Variants in DPP9 observed in about 807,000 individuals in gnomAD.
DPP9 encodes the protein dipeptidyl peptidase IV-related protein-2.
A neutral mutation model predicts 110.7 loss-of-function variants in DPP9; 50 were observed. The observed-to-expected ratio is 0.45, with a 90% CI of 0.36 to 0.57. The LOEUF (loss-of-function observed/expected upper bound fraction) is 0.57. DPP9 is among the 20% of genes least tolerant of loss of function. The pLI is 0.00. For synonymous variants in DPP9, 561 were observed against 514.4 expected (o/e 1.09, Z -1.23); for missense variants, 1,022 against 1,217.9 (o/e 0.84, Z 2.39).
Position 4,684,513 on chromosome 19 carries a change from A to T in DPP9, c.2178+150T>A. On this transcript the variant is annotated intron_variant, in intron 18 of 21. Transcript: ENST00000262960. This position sits in a 1 kb window ranked among gnomAD's most constrained non-coding sequence, Gnocchi z 4.8. ...AAGCATACATCCCCTTTTGTTCTAA[A>T]AGGGCGCCTCATTGAGCCTGCGTCA... is the stretch of plus-strand genomic sequence containing the variant. 1 of 834,808 alleles carries T rather than the reference A, an allele frequency of 1.2e-6. No individual in the cohort carries two copies. The highest frequency in any genetic ancestry group is 1.8e-6 in the Non-Finnish European group (1 of 543,724). The allele number at this position is 834,808 out of a possible 1,614,324, so 51.7% of individuals were successfully genotyped here.
Position 4,689,811 on chromosome 19 carries a change from T to G in DPP9, c.1597-89A>C. On this transcript the variant is annotated intron_variant, in intron 14 of 21. Coordinates refer to ENST00000262960, the MANE Select transcript of DPP9 (RefSeq NM_139159.5). The surrounding 1 kb of genome is among the most constrained non-coding windows in gnomAD (Gnocchi z 7.0). ...ACGCCCCACAGGAGTGGGCCCCATG[T>G]TCCTCGGACTGGGGACGCATGCTGT... The G allele has an allele frequency of 5.2e-6, 7 of 1,344,276 alleles. No homozygotes were observed. The highest frequency in any genetic ancestry group is 7.0e-6 in the Non-Finnish European group (7 of 1,002,102). The allele number at this position is 1,344,276 out of a possible 1,614,324, so 83.3% of individuals were successfully genotyped here. A position where few individuals can be genotyped will look rare whatever the true frequency, so the allele number is the denominator to read the frequency against.
rs377137177 is a variant in DPP9, at chr19:4,687,727, C to G, written c.1885+1030G>C. ...GAAGGTGAGTGGAAAGCCTGATAAC[C>G]ACGGCGGGTTTCAAACCAGTGTGGG... On this transcript the variant is annotated intron_variant, in intron 16 of 21. Transcript: ENST00000262960. The surrounding 1 kb of genome is among the most constrained non-coding windows in gnomAD (Gnocchi z 4.7). Among the ~76,000 whole-genome samples, 1 of 152,208 alleles carries G rather than the reference C, an allele frequency of 6.6e-6. No individual in the cohort carries two copies. The highest frequency in any genetic ancestry group is 1.5e-5 in the Non-Finnish European group (1 of 68,046).
chr19:4,690,694 C>T (rs536735068), intron 14 of DPP9, among the ~76,000 whole-genome samples, 184 bp downstream of exon 14: 5 of 152,216 alleles, frequency 3.3e-5, no homozygotes, highest in South Asian at 2.1e-4. Flanking sequence ...TGGTAGACAC[C>T]GTGCTGAGGC....
chr19:4,715,086 C>T (rs1365178491), intron 3 of DPP9, among the ~76,000 whole-genome samples: 1 of 116,132 alleles, frequency 8.6e-6, no homozygotes, highest in East Asian at 3.0e-4. Flanking sequence ...GTGGCGTGAT[C>T]TCAGATCACT....
intron 8 of DPP9, 88 bp from the exon 9 acceptor site, chr19:4,702,243 C>G: frequency 6.7e-7 from 1 of 1,483,008 alleles, no homozygotes; most frequent in South Asian, 1.3e-5. Flanking sequence ...GCACCGGGGC[C>G]TGAAGATGGG....
Position 4,689,008 on chromosome 19 carries a change from G to A in DPP9, c.1750-116C>T. On this transcript the variant is annotated intron_variant, in intron 15 of 21. Transcript: ENST00000262960. The surrounding 1 kb of genome is among the most constrained non-coding windows in gnomAD (Gnocchi z 7.0). ...CGCCCGCCCCCATCCCTCTGCCCCT[G>A]CCTGTCATGAAACCTCAAAGCTCCA... 3 of 1,130,028 alleles carry A rather than the reference G, an allele frequency of 2.7e-6. No homozygotes were observed. The highest frequency in any genetic ancestry group is 1.1e-6 in the Non-Finnish European group (1 of 910,146). The allele number at this position is 1,130,028 out of a possible 1,614,324, so 70.0% of individuals were successfully genotyped here. A position where few individuals can be genotyped will look rare whatever the true frequency, so the allele number is the denominator to read the frequency against.
chr19:4,695,554 C>A lies in DPP9; in HGVS notation c.1177G>T (p.Ala393Ser). Residue 393 changes from alanine (A) to serine (S), a missense_variant and splice_region_variant, in exon 12 of 22, where the codon GCC becomes TCC. Transcript: ENST00000262960. This position sits in a 1 kb window ranked among gnomAD's most constrained non-coding sequence, Gnocchi z 4.7. ...GGCCGGTCCAGGAACATGGCCCAGG[C>A]GCTAAGGGGGAAGATGCGGGGGAAG... ...RAGWTRDGKYAWAMFLDRPQQ... is the reference protein window; with the variant it reads ...RAGWTRDGKYSWAMFLDRPQQ... 6.9e-7 allele frequency: 1 copy of A among 1,459,138 alleles called. No individual in the cohort carries two copies. Among genetic ancestry groups the A allele is most frequent in the Non-Finnish European group, 9.0e-7 (1 of 1,106,210 alleles). The allele number at this position is 1,459,138 out of a possible 1,614,324, so 90.4% of individuals were successfully genotyped here. A position where few individuals can be genotyped will look rare whatever the true frequency, so the allele number is the denominator to read the frequency against.
In DPP9 at chr19:4,689,420, G is replaced by T; in HGVS notation, c.1749+150C>A. The T allele has an allele frequency of 1.0e-6, 1 of 994,194 alleles. No homozygotes were observed. The highest frequency in any genetic ancestry group is 1.4e-6 in the Non-Finnish European group (1 of 693,762). 61.6% of individuals were successfully genotyped at this position (994,194 alleles called of 1,614,324 possible). ...CTCCCTTCCCTGCCCTACCCAGGAGGCAGGGGTGGGCACTGCCTGCCCCAA... is the reference window on the plus strand; with the variant it reads ...CTCCCTTCCCTGCCCTACCCAGGAGTCAGGGGTGGGCACTGCCTGCCCCAA... On this transcript the variant is annotated intron_variant, in intron 15 of 21. Coordinates refer to ENST00000262960, the MANE Select transcript of DPP9 (RefSeq NM_139159.5). The surrounding 1 kb of genome is among the most constrained non-coding windows in gnomAD (Gnocchi z 7.0).
At chr19:4,716,181 A>T (rs2093065607) in intron 3 of DPP9, 2 of 152,264 alleles carry the variant, frequency 1.3e-5, no homozygotes, top group African/African-American at 4.8e-5. Context: ...AAGGGCAGAG[A>T]TGAGTGGGCC....
In DPP9 at chr19:4,704,358, G is replaced by C. The variant is rs1486593934; in HGVS notation, c.427-54C>G. The C allele has an allele frequency of 4.8e-5, 75 of 1,564,744 alleles. No individual in the cohort carries two copies. Among genetic ancestry groups the C allele is most frequent in the Non-Finnish European group, 6.3e-5 (73 of 1,151,070 alleles). ...CGTCAGTGGGCAAAGAGGATCTCCC[G>C]CTGGCCAGGGCAGAGATCCTCGGGC... On this transcript the variant is annotated intron_variant, in intron 5 of 21. Coordinates refer to ENST00000262960, the MANE Select transcript of DPP9 (RefSeq NM_139159.5). This position sits in a 1 kb window ranked among gnomAD's most constrained non-coding sequence, Gnocchi z 6.0.
chr19:4,681,842 CTTTTTTTT>C lies in DPP9; in HGVS notation c.2474+846_2474+853del, dbSNP rs778786711. 4.0e-4 allele frequency among the ~76,000 whole-genome samples: 46 copies of C among 115,742 alleles called. 1 individual carries two copies. The highest frequency in any genetic ancestry group is 2.9e-3 in the Admixed American group (33 of 11,332). The allele number at this position is 115,742 out of a possible 152,430, so 75.9% of individuals were successfully genotyped here. A position where few individuals can be genotyped will look rare whatever the true frequency, so the allele number is the denominator to read the frequency against. On this transcript the variant is annotated intron_variant, in intron 20 of 21. Coordinates refer to ENST00000262960, the MANE Select transcript of DPP9 (RefSeq NM_139159.5). ...TGGCCTCCCAAAGTGCCCAGGCAGA[CTTTTTTTT>C]TTTTTTTTTTTTTTGAATTGGAGTC...
chr19:4,706,031 C>T, intron 4 of DPP9, 61 bp from the exon 5 acceptor site: 1 of 1,458,870 alleles, frequency 6.9e-7, no homozygotes, highest in Non-Finnish European at 9.5e-7. Flanking sequence ...GAGACGCCCT[C>T]AGCCTGCAGC....
chr19:4,686,919 CCA>C (rs2090795841), intron 16 of DPP9, among the ~76,000 whole-genome samples: 2 of 152,176 alleles, frequency 1.3e-5, no homozygotes, highest in African/African-American at 4.8e-5. Flanking sequence ...TGGCCACAGA[CCA>C]CAGAGGGACT....
chr19:4,678,326 T>C lies in DPP9; in HGVS notation c.2586+1509A>G, dbSNP rs182901025. On this transcript the variant is annotated intron_variant, in intron 21 of 21. Coordinates refer to ENST00000262960, the MANE Select transcript of DPP9 (RefSeq NM_139159.5). ...CGGAGCTTTGCCATGTTAGCCAGGC[T>C]GGTCTCAAACTCCTGGCCTCAAGTG... Among the ~76,000 whole-genome samples the C allele has an allele frequency of 4.2e-3, 635 of 152,164 alleles. 9 individuals are homozygous for C. The highest frequency in any genetic ancestry group is 0.011 in the African/African-American group (460 of 41,524).
chr19:4,689,562 G>A lies in DPP9; in HGVS notation c.1749+8C>T, dbSNP rs374156966. 1.2e-5 allele frequency: 19 copies of A among 1,553,696 alleles called. No homozygotes were observed. Among genetic ancestry groups the A allele is most frequent in the African/African-American group, 5.4e-5 (4 of 73,590 alleles). ...ACAGGGCGGTGCCGTGAGGCTGGGC[G>A]GTCCCACCTGGCTCATGGAGCAGCT... On this transcript the variant is annotated splice_region_variant and intron_variant, in intron 15 of 21. Transcript: ENST00000262960. This position sits in a 1 kb window ranked among gnomAD's most constrained non-coding sequence, Gnocchi z 7.0.
rs1267241268 is a variant in DPP9, at chr19:4,710,422, C to T, written c.313+3659G>A. 2.0e-5 allele frequency among the ~76,000 whole-genome samples: 3 copies of T among 152,208 alleles called. No individual in the cohort carries two copies. The highest frequency in any genetic ancestry group is 7.2e-5 in the African/African-American group (3 of 41,452). ...GATCCGCGTGGGGCGGGAGCGGGGTCGGGAGCGTTTCCCAATGCTGCAGTC... is the reference window on the plus strand; with the variant it reads ...GATCCGCGTGGGGCGGGAGCGGGGTTGGGAGCGTTTCCCAATGCTGCAGTC... On this transcript the variant is annotated intron_variant, in intron 4 of 21. Coordinates refer to ENST00000262960, the MANE Select transcript of DPP9 (RefSeq NM_139159.5). This position sits in a 1 kb window ranked among gnomAD's most constrained non-coding sequence, Gnocchi z 5.6.
intron 14 of DPP9, among the ~76,000 whole-genome samples, chr19:4,690,410 G>C (rs1599887057): frequency 6.6e-6 from 1 of 152,196 alleles, no homozygotes; most frequent in East Asian, 1.9e-4. Context: ...CTGGAGCGTG[G>C]GGTGACCAGG....
chr19:4,683,683 C>G (rs768825540), intron 18 of DPP9, 54 bp from the exon 19 acceptor site: 2 of 1,612,818 alleles, frequency 1.2e-6, no homozygotes. Flanking sequence ...ATGTCCCTCC[C>G]CTGCAGTGAC....
Position 4,684,996 on chromosome 19 carries a change from C to A in DPP9, c.2032-187G>T, listed in dbSNP as rs992722357. 1.3e-6 allele frequency: 1 copy of A among 751,842 alleles called. No individual in the cohort carries two copies. 46.6% of individuals were successfully genotyped at this position (751,842 alleles called of 1,614,324 possible). A position where few individuals can be genotyped will look rare whatever the true frequency, so the allele number is the denominator to read the frequency against. On this transcript the variant is annotated intron_variant, in intron 17 of 21. Transcript: ENST00000262960. This position sits in a 1 kb window ranked among gnomAD's most constrained non-coding sequence, Gnocchi z 4.8. ...AGGCGGGAGGGGCCCATACTCGGGA[C>A]CCTGCTAGGGAGGGGGAAGGGCCAC...
Sources: allele counts gnomAD v4.1 joint callset (sites outside exome capture counted in the v4.1 genomes callset), GRCh38; gene constraint gnomAD v4.1.1; non-coding constraint Gnocchi (gnomAD v3.1); transcripts MANE v1.5; gene names NCBI Gene and HGNC (gene_info 2026-07-23, HGNC 2026-07-21).